CASD1: variants seen among roughly 807,000 people sequenced by gnomAD.
The protein encoded by CASD1 is N-acetylneuraminate (7)9-O-acetyltransferase.
CASD1 carries 41 observed loss-of-function variants against 100.0 expected under a neutral mutation model. The observed-to-expected ratio is 0.41, with a 90% confidence interval of 0.32 to 0.53. The LOEUF (loss-of-function observed/expected upper bound fraction) is 0.53, where lower values mean the gene tolerates loss of function less well. Among genes scored for constraint, CASD1 ranks in the 20% least tolerant of loss-of-function variants. The pLI, the probability that CASD1 is intolerant of heterozygous loss-of-function variation, is 0.25. For missense variants in CASD1, 774 were observed against 948.7 expected, an observed-to-expected ratio of 0.82 and a Z score of 2.42; for synonymous variants, 321 against 315.6, an observed-to-expected ratio of 1.02 and a Z score of -0.18.
At chr7:94,585,297 CA>C in the CASD1 span, 1 of 490,216 alleles carries the variant, frequency 2.0e-6, no homozygotes, top group Admixed American at 3.4e-5. Flanking sequence ...CAATGTTTTA[CA>C]AATTGTCAAA....
chr7:94,610,158 C>T, the CASD1 span, among the ~76,000 whole-genome samples: 1 of 152,064 alleles, frequency 6.6e-6, no homozygotes, highest in African/African-American at 2.4e-5. Context: ...GAAGAAAAAC[C>T]ACTATGGAGA....
intron 16 of CASD1, 27 bp from the exon 17 acceptor site, chr7:94,554,453 TTAA>T: frequency 1.5e-6 from 2 of 1,363,096 alleles, no homozygotes; most frequent in Non-Finnish European, 2.1e-6. Flanking sequence ...AAAGAGATTA[TTAA>T]TATTTGCTTT....
At chr7:94,572,088 G>A in the CASD1 span, among the ~76,000 whole-genome samples, 1 of 152,098 alleles carries the variant, frequency 6.6e-6, no homozygotes, top group East Asian at 1.9e-4. Flanking sequence ...TCCATGGGAT[G>A]CCCTTAACAT....
In CASD1 at chr7:94,537,655, C is replaced by T. The variant is rs765867873; in HGVS notation, c.1027C>T (p.Pro343Ser). Residue 343 changes from proline to serine, a missense_variant, in exon 9 of 18, where the codon CCG (proline) becomes TCG (serine). Coordinates refer to ENST00000297273, the MANE Select transcript of CASD1 (RefSeq NM_022900.5). Reference protein sequence around the residue: ...IHRNAHRKNKPCTDLESGEEK... With the variant: ...IHRNAHRKNKSCTDLESGEEK... ...TCGTAATGCTCATCGGAAGAATAAG[C>T]CGTGTACTGATTTGGAAAGTGGAGA... 10 of 1,613,572 alleles carry T rather than the reference C, an allele frequency of 6.2e-6. No homozygotes were observed. In the East Asian group the frequency reaches 2.2e-4, roughly 36 times the overall value.
intron 13 of CASD1, 58 bp downstream of exon 13, chr7:94,547,233 AT>A (rs1226945020): frequency 7.8e-7 from 1 of 1,284,476 alleles, no homozygotes; most frequent in African/African-American, 1.5e-5. Flanking sequence ...GTTCAAGTCT[AT>A]TAAAGCATGT....
At position 94,555,898 on chromosome 7, in the gene CASD1, G is replaced by C; in HGVS notation, c.*140G>C. The C allele has an allele frequency of 1.3e-6, 1 of 783,728 alleles. No individual in the cohort carries two copies. The highest frequency in any genetic ancestry group is 2.0e-6 in the Non-Finnish European group (1 of 499,328). The allele number at this position is 783,728 out of a possible 1,614,324, so 48.5% of individuals were successfully genotyped here. A position where few individuals can be genotyped will look rare whatever the true frequency, so the allele number is the denominator to read the frequency against. On this transcript the variant is annotated 3_prime_UTR_variant, in exon 18 of 18. Transcript: ENST00000297273. ...AGAGGACAGTTCTGTGACATCTGTT[G>C]AACATATGTGGTTGTATATATTGGA...
At chr7:94,617,634 G>A in the CASD1 span, 1 of 152,142 alleles carries the variant, frequency 6.6e-6, no homozygotes, top group Non-Finnish European at 1.5e-5. Context: ...AGCCAACTAG[G>A]TACATAGACA....
the CASD1 span, among the ~76,000 whole-genome samples, chr7:94,604,955 T>G: frequency 2.0e-5 from 3 of 150,504 alleles, no homozygotes; most frequent in Non-Finnish European, 4.4e-5. Context: ...AAATTCATGG[T>G]CCTGAGGCAT....
At chr7:94,525,749 CTCGAG>C (rs1405067321) in intron 3 of CASD1, among the ~76,000 whole-genome samples, 1 of 152,122 alleles carries the variant, frequency 6.6e-6, no homozygotes, top group South Asian at 2.1e-4. Context: ...AACTAATAGT[CTCGAG>C]ACTCCTTTTG....
At chr7:94,532,919 G>A (rs533722962) in intron 5 of CASD1, among the ~76,000 whole-genome samples, 1 of 152,014 alleles carries the variant, frequency 6.6e-6, no homozygotes, top group South Asian at 2.1e-4. Context: ...AGAATATTAG[G>A]TCGTGTTAGA....
rs1794669931 is a variant in CASD1, at chr7:94,528,215, G to A, written c.424G>A (p.Gly142Ser). ...TTTTCTGTGGCATCCTGAAGTTAAT[G>A]GTTCTATGAAACAGTGTATCAAAGT... ...VDFLWHPEVN[G>S]SMKQCIKVWT... is the part of the protein sequence containing the mutation. The change falls in exon 5 of 18, where the codon GGT (glycine) becomes AGT (serine). Residue 142 changes from glycine to serine, a missense_variant. By Grantham distance (56) the Gly-to-Ser change is moderately conservative (BLOSUM62 0). Transcript: ENST00000297273. 1 of 1,607,848 alleles carries A rather than the reference G, an allele frequency of 6.2e-7. No homozygotes were observed. The highest frequency in any genetic ancestry group is 1.1e-5 in the South Asian group (1 of 90,160).
At chr7:94,615,277 T>G in the CASD1 span, among the ~76,000 whole-genome samples, 1 of 152,180 alleles carries the variant, frequency 6.6e-6, no homozygotes, top group Non-Finnish European at 1.5e-5. Context: ...GAGAATCGCT[T>G]GAACCCAGGA....
the CASD1 span, among the ~76,000 whole-genome samples, chr7:94,606,672 A>T: frequency 6.6e-6 from 1 of 152,214 alleles, no homozygotes; most frequent in Admixed American, 6.5e-5. Flanking sequence ...AATAGAATAC[A>T]CATTCTTCTT....
chr7:94,533,292 G>A (rs376989588), intron 6 of CASD1, 43 bp downstream of exon 6: 75 of 1,522,232 alleles, frequency 4.9e-5, no homozygotes, highest in African/African-American at 6.9e-5. Flanking sequence ...TTTGTTTCAC[G>A]TTTAAGAACA....
the CASD1 span, among the ~76,000 whole-genome samples, chr7:94,633,905 C>T: frequency 6.6e-6 from 1 of 152,160 alleles, no homozygotes; most frequent in African/African-American, 2.4e-5. Flanking sequence ...CCCTTCACTA[C>T]AAAAATGTCC....
intron 7 of CASD1, among the ~76,000 whole-genome samples, chr7:94,534,228 A>G (rs1379423473): frequency 1.4e-5 from 2 of 138,204 alleles, no homozygotes; most frequent in Non-Finnish European, 3.0e-5. Flanking sequence ...GTGCAGTAGC[A>G]CGATCTTGGC....
At chr7:94,552,494 G>C in intron 16 of CASD1, 67 bp downstream of exon 16, 1 of 1,173,042 alleles carries the variant, frequency 8.5e-7, no homozygotes, top group East Asian at 2.4e-5. Flanking sequence ...TTTAGAGGCA[G>C]AGAGATTTGA....
At chr7:94,588,085 G>A in the CASD1 span, 1 of 1,235,620 alleles carries the variant, frequency 8.1e-7, no homozygotes, top group South Asian at 2.8e-5. Context: ...TATCTACTCA[G>A]TATAGAGATG....
chr7:94,608,612 C>A, the CASD1 span, among the ~76,000 whole-genome samples: 1 of 151,990 alleles, frequency 6.6e-6, no homozygotes, highest in Admixed American at 6.6e-5. Flanking sequence ...CCAGAATAGC[C>A]AAAACAATAT....
Sources: allele counts gnomAD v4.1 joint callset (sites outside exome capture counted in the v4.1 genomes callset), GRCh38; gene constraint gnomAD v4.1.1; transcripts MANE v1.5; gene names NCBI Gene and HGNC (gene_info 2026-07-23, HGNC 2026-07-21).